The following BANK1 variants were observed in gnomAD, a reference collection of about 807,000 sequenced individuals.
The protein encoded by BANK1 is B cell scaffold protein with ankyrin repeats 1, also known as B-cell scaffold protein with ankyrin repeats.
BANK1 carries 95 observed loss-of-function variants against 94.5 expected under a neutral mutation model. The observed-to-expected ratio is 1.00, with a 90% CI of 0.85 to 1.19. BANK1 has a LOEUF of 1.19. BANK1 is among the 50% of genes most tolerant of loss of function. BANK1 has a pLI of 0.00. For synonymous variants in BANK1, 334 were observed against 308.4 expected (o/e 1.08, Z -0.87); for missense variants, 987 against 932.2 (o/e 1.06, Z -0.77).
At chr4:101,912,508 AAGAT>A (rs905120131) in intron 6 of BANK1, among the ~76,000 whole-genome samples, 3 of 151,382 alleles carry the variant, frequency 2.0e-5, no homozygotes, top group Non-Finnish European at 4.4e-5. Context: ...TGTGTGTTGA[AAGAT>A]AGATAGAGAT....
chr4:101,909,349 A>C (rs1202319189), intron 6 of BANK1, among the ~76,000 whole-genome samples: 1 of 152,152 alleles, frequency 6.6e-6, no homozygotes, highest in Non-Finnish European at 1.5e-5. Context: ...CAATGAGAAC[A>C]CTTGGACACA....
chr4:101,895,589 A>G (rs1274180630), intron 6 of BANK1, among the ~76,000 whole-genome samples, 179 bp downstream of exon 6: 1 of 151,620 alleles, frequency 6.6e-6, no homozygotes, highest in Non-Finnish European at 1.5e-5. Context: ...TCGTTTGGTA[A>G]TTTTTTTTAT....
intron 5 of BANK1, among the ~76,000 whole-genome samples, chr4:101,880,449 G>T (rs1001872429): frequency 6.6e-6 from 1 of 151,752 alleles, no homozygotes; most frequent in Non-Finnish European, 1.5e-5. Flanking sequence ...AAAATAAAAA[G>T]ACAGTTCATG....
intron 7 of BANK1, among the ~76,000 whole-genome samples, chr4:101,993,695 A>T (rs1725782130): frequency 6.6e-6 from 1 of 152,204 alleles, no homozygotes; most frequent in Non-Finnish European, 1.5e-5. Context: ...TCATTAATTT[A>T]TTATAGCCCA....
intron 12 of BANK1, chr4:102,062,545 A>G (rs1013648312): frequency 6.6e-6 from 1 of 152,284 alleles, no homozygotes; most frequent in South Asian, 2.1e-4. Context: ...TTTGGAAATC[A>G]AAGAAAGATC....
At position 101,959,836 on chromosome 4, in the gene BANK1, T is replaced by A. The variant is rs535333299; in HGVS notation, c.1206+41647T>A. 2.8e-4 allele frequency among the ~76,000 whole-genome samples: 43 copies of A among 152,282 alleles called. No individual in the cohort carries two copies. The East Asian group carries it at 2.9e-3, about 10-fold the overall frequency. On this transcript the variant is annotated intron_variant, in intron 7 of 16. Coordinates refer to ENST00000322953, the MANE Select transcript of BANK1 (RefSeq NM_017935.5). Reference sequence around the variant, plus strand: ...TGGCTAAACTGCTATATAATTTTTTTAAAAAATCATGAATTATGGTTTAAG... The same window carrying A: ...TGGCTAAACTGCTATATAATTTTTTAAAAAAATCATGAATTATGGTTTAAG...
chr4:101,942,528 A>G (rs1723788704), intron 7 of BANK1, among the ~76,000 whole-genome samples: 1 of 151,902 alleles, frequency 6.6e-6, no homozygotes, highest in South Asian at 2.1e-4. Context: ...AAATAAATAA[A>G]TGGGCAAGCT....
intron 7 of BANK1, among the ~76,000 whole-genome samples, chr4:101,954,161 A>G (rs1386156070): frequency 6.6e-6 from 1 of 152,100 alleles, no homozygotes; most frequent in East Asian, 1.9e-4. Context: ...CCGTGTCTTC[A>G]CAAGGCTCTC....
intron 7 of BANK1, among the ~76,000 whole-genome samples, chr4:101,988,608 G>C (rs2148930862): frequency 6.6e-6 from 1 of 152,212 alleles, no homozygotes; most frequent in South Asian, 2.1e-4. Flanking sequence ...GTTCACTATA[G>C]AGGTTACAGA....
At chr4:101,936,085 G>A (rs1372784844) in intron 7 of BANK1, among the ~76,000 whole-genome samples, 1 of 151,018 alleles carries the variant, frequency 6.6e-6, no homozygotes, top group African/African-American at 2.4e-5. Context: ...ATACAGCAAA[G>A]GAAACAATAA....
At chr4:101,933,294 G>C (rs1723419278) in intron 7 of BANK1, among the ~76,000 whole-genome samples, 1 of 140,350 alleles carries the variant, frequency 7.1e-6, no homozygotes, top group Non-Finnish European at 1.5e-5. Flanking sequence ...GGCCACCAGA[G>C]AGACCGGTAA....
chr4:101,973,026 C>CA (rs1023842841), intron 7 of BANK1, among the ~76,000 whole-genome samples: 24 of 151,136 alleles, frequency 1.6e-4, no homozygotes, highest in African/African-American at 5.6e-4. Flanking sequence ...TCACAAGGTA[C>CA]AAAATCTCAG....
chr4:101,904,996 C>G (rs1282494993), intron 6 of BANK1, among the ~76,000 whole-genome samples: 1 of 152,188 alleles, frequency 6.6e-6, no homozygotes, highest in Non-Finnish European at 1.5e-5. Flanking sequence ...CAATAAGCTG[C>G]TTTGCCTTGT....
intron 7 of BANK1, among the ~76,000 whole-genome samples, chr4:101,947,487 A>T (rs952593401): frequency 2.0e-5 from 3 of 151,246 alleles, no homozygotes; most frequent in African/African-American, 7.3e-5. Flanking sequence ...TTTATTAAAG[A>T]TGTCTGATAG....
chr4:102,010,012 A>G (rs894333826), intron 7 of BANK1, among the ~76,000 whole-genome samples: 2 of 152,202 alleles, frequency 1.3e-5, no homozygotes, highest in Non-Finnish European at 2.9e-5. Flanking sequence ...CACGCCTGTA[A>G]TCCCAGCACT....
intron 5 of BANK1, among the ~76,000 whole-genome samples, chr4:101,892,129 G>A (rs541657764): frequency 6.6e-6 from 1 of 151,112 alleles, no homozygotes; most frequent in Admixed American, 6.6e-5. Flanking sequence ...AGGAAAGTAG[G>A]ACTACTACAT....
intron 1 of BANK1, among the ~76,000 whole-genome samples, chr4:101,828,383 T>TTATATATATATATATATATA (rs60877981): frequency 6.3e-4 from 90 of 142,150 alleles, no homozygotes; most frequent in African/African-American, 2.1e-3. Context: ...ATGAGTGAAT[T>TTATATATATATATATATATA]TATATATATA....
intron 2 of BANK1, among the ~76,000 whole-genome samples, chr4:101,839,208 T>G (rs1726939397): frequency 6.6e-6 from 1 of 152,218 alleles, no homozygotes; most frequent in Non-Finnish European, 1.5e-5. Flanking sequence ...CTTAATATTC[T>G]CATATGTTGA....
intron 7 of BANK1, among the ~76,000 whole-genome samples, chr4:102,001,974 C>T (rs1245901314): frequency 6.6e-6 from 1 of 152,222 alleles, no homozygotes; most frequent in Non-Finnish European, 1.5e-5. Flanking sequence ...TCTTGGTTCT[C>T]CAACCCATCT....
Sources: gnomAD v4.1 joint callset for allele counts (sites outside exome capture counted in the v4.1 genomes callset) on GRCh38, gnomAD v4.1.1 for gene constraint, MANE v1.5 for transcripts, NCBI Gene and HGNC (gene_info 2026-07-23, HGNC 2026-07-21) for gene names.